The following THSD7B variants were observed in gnomAD, a reference collection of about 807,000 sequenced individuals.
The protein encoded by THSD7B is thrombospondin type-1 domain-containing protein 7B.
Under a neutral mutation model 213.6 loss-of-function variants are expected in THSD7B, and 138 were observed. That is an observed-to-expected ratio of 0.65 (90% confidence interval 0.56 to 0.74). The LOEUF (loss-of-function observed/expected upper bound fraction) is 0.74, where lower values mean the gene tolerates loss of function less well. Ranked by LOEUF, THSD7B falls within the 30% of genes least tolerant of loss-of-function variation. The pLI is 0.00. For missense variants in THSD7B, 1,931 were observed against 1,991.5 expected (o/e 0.97, Z 0.58); for synonymous variants, 742 against 687.0 (o/e 1.08, Z -1.25).
At chr2:137,224,000 C>G (rs954550498) in intron 7 of THSD7B, among the ~76,000 whole-genome samples, 7 of 152,144 alleles carry the variant, frequency 4.6e-5, no homozygotes, top group Non-Finnish European at 1.0e-4. Flanking sequence ...GCTTCCTGTA[C>G]AGCCTGTGGA....
chr2:137,459,082 C>T (rs939032159), intron 15 of THSD7B, among the ~76,000 whole-genome samples: 22 of 152,070 alleles, frequency 1.4e-4, no homozygotes, highest in Middle Eastern at 6.8e-3. Context: ...TCACCATACA[C>T]ATTTTCCATG....
At chr2:136,964,523 C>T (rs542135969) in intron 2 of THSD7B, among the ~76,000 whole-genome samples, 1 of 152,308 alleles carries the variant, frequency 6.6e-6, no homozygotes, top group African/African-American at 2.4e-5. Context: ...CTTGACTTCT[C>T]AGGGGAATCA....
intron 14 of THSD7B, among the ~76,000 whole-genome samples, chr2:137,423,598 C>T (rs1471929791): frequency 6.6e-6 from 1 of 151,994 alleles, no homozygotes; most frequent in Non-Finnish European, 1.5e-5. Flanking sequence ...ACTTATTATA[C>T]TCTGAAAACT....
intron 15 of THSD7B, among the ~76,000 whole-genome samples, chr2:137,454,420 GTCTGTCTATCTATCTA>G (rs1178038706): frequency 3.9e-5 from 5 of 129,490 alleles, no homozygotes; most frequent in East Asian, 2.6e-4. Context: ...CTGTCTGTCT[GTCTGTCTATCTATCTA>G]TCTATCTATC....
chr2:137,274,024 C>T (rs942569675), intron 11 of THSD7B, among the ~76,000 whole-genome samples: 1 of 152,080 alleles, frequency 6.6e-6, no homozygotes, highest in Admixed American at 6.6e-5. Flanking sequence ...TATTGCACTT[C>T]AATTTAGCTA....
chr2:137,507,773 C>A (rs1016176985), intron 15 of THSD7B, among the ~76,000 whole-genome samples: 1 of 151,330 alleles, frequency 6.6e-6, no homozygotes, highest in Non-Finnish European at 1.5e-5. Context: ...TTTCATTAAT[C>A]TTTGCTTTTG....
intron 14 of THSD7B, among the ~76,000 whole-genome samples, chr2:137,448,331 G>A (rs1446019068): frequency 2.0e-5 from 3 of 152,146 alleles, no homozygotes; most frequent in African/African-American, 7.2e-5. Context: ...GCAAGAGAGT[G>A]GTTAAAGTAA....
At chr2:136,900,746 T>A (rs944197628) in intron 2 of THSD7B, among the ~76,000 whole-genome samples, 2 of 152,198 alleles carry the variant, frequency 1.3e-5, no homozygotes, top group East Asian at 3.9e-4. Context: ...TTTAAAGTGA[T>A]TCAAAACTTA....
chr2:136,869,928 C>T (rs62172273), intron 1 of THSD7B, among the ~76,000 whole-genome samples: 10,255 of 152,060 alleles, frequency 0.067, 400 homozygotes, highest in East Asian at 0.16. Context: ...AAAAATTAGC[C>T]AGGCATGGTG....
chr2:137,106,286 G>A (rs907041710), intron 4 of THSD7B, among the ~76,000 whole-genome samples: 1 of 152,094 alleles, frequency 6.6e-6, no homozygotes, highest in African/African-American at 2.4e-5. Context: ...ACACAAACAA[G>A]CAATGGGGAA....
At chr2:137,384,751 C>T (rs575068138) in intron 12 of THSD7B, among the ~76,000 whole-genome samples, 1 of 152,176 alleles carries the variant, frequency 6.6e-6, no homozygotes, top group Admixed American at 6.5e-5. Flanking sequence ...CTGAGTTCTC[C>T]CTCTGGAGAG....
chr2:137,539,591 T>G (rs1055122074), intron 15 of THSD7B, among the ~76,000 whole-genome samples: 3 of 151,730 alleles, frequency 2.0e-5, no homozygotes, highest in Non-Finnish European at 4.4e-5. Context: ...GCAAACAGCT[T>G]GTATAGAGGA....
intron 2 of THSD7B, among the ~76,000 whole-genome samples, chr2:137,048,271 T>TA (rs1050758257): frequency 1.3e-5 from 2 of 152,118 alleles, no homozygotes; most frequent in African/African-American, 2.4e-5. Context: ...AGATTTTTTT[T>TA]AAAAAAATGC....
intron 1 of THSD7B, among the ~76,000 whole-genome samples, chr2:136,780,980 A>G (rs1037376549): frequency 6.6e-6 from 1 of 152,192 alleles, no homozygotes; most frequent in African/African-American, 2.4e-5. Context: ...GAAGAATGTG[A>G]AGAAGCATAT....
At chr2:136,969,384 A>G (rs1023531343) in intron 2 of THSD7B, among the ~76,000 whole-genome samples, 1 of 152,210 alleles carries the variant, frequency 6.6e-6, no homozygotes, top group Non-Finnish European at 1.5e-5. Context: ...AATATTTTAC[A>G]TTAAAGTTAG....
chr2:136,967,696 C>A (rs753880813), intron 2 of THSD7B, among the ~76,000 whole-genome samples: 1 of 152,126 alleles, frequency 6.6e-6, no homozygotes, highest in Non-Finnish European at 1.5e-5. Context: ...TACAATATTG[C>A]CTGTACTCCC....
At chr2:137,398,238 C>T (rs1354221055) in intron 12 of THSD7B, among the ~76,000 whole-genome samples, 1 of 149,688 alleles carries the variant, frequency 6.7e-6, no homozygotes, top group East Asian at 2.0e-4. Flanking sequence ...AGGAGAGGTG[C>T]TCTGCGTTTT....
At chr2:137,509,971 T>C (rs1250133743) in intron 15 of THSD7B, among the ~76,000 whole-genome samples, 1 of 152,192 alleles carries the variant, frequency 6.6e-6, no homozygotes, top group Non-Finnish European at 1.5e-5. Context: ...TCGTTTGGTT[T>C]TAACATTTTT....
At chr2:137,398,187 C>T (rs1248226129) in intron 12 of THSD7B, among the ~76,000 whole-genome samples, 869 of 143,186 alleles carry the variant, frequency 6.1e-3, no homozygotes, top group African/African-American at 0.024. Flanking sequence ...CTCCATCCAG[C>T]TTTGTTCCGT....
Sources: gnomAD v4.1 joint callset for allele counts (sites outside exome capture counted in the v4.1 genomes callset) on GRCh38, gnomAD v4.1.1 for gene constraint, MANE v1.5 for transcripts, NCBI Gene and HGNC (gene_info 2026-07-23, HGNC 2026-07-21) for gene names.